TBXAS1: variants seen among roughly 807,000 people sequenced by gnomAD.
TBXAS1 encodes thromboxane A synthase 1.
In TBXAS1, 48 loss-of-function variants were observed where a neutral mutation model predicts 60.7. That is an observed-to-expected ratio of 0.79 (90% CI 0.63 to 1.01). TBXAS1 has a LOEUF of 1.01. Ranked by LOEUF, TBXAS1 falls within the 50% of genes least tolerant of loss-of-function variation. The pLI is 0.00. For synonymous variants in TBXAS1, 287 were observed against 269.7 expected (o/e 1.06, Z -0.63); for missense variants, 685 against 686.3 (o/e 1.00, Z 0.02).
chr7:139,856,925 G>T (rs756706660), intron 1 of TBXAS1, among the ~76,000 whole-genome samples: 1 of 152,150 alleles, frequency 6.6e-6, no homozygotes, highest in Non-Finnish European at 1.5e-5. Flanking sequence ...CACCAATGGA[G>T]GCTTTGAAAA....
chr7:139,865,843 A>AGAAGGAAGGAGGGAGGGAG (rs1307565725), intron 1 of TBXAS1, among the ~76,000 whole-genome samples: 4 of 93,204 alleles, frequency 4.3e-5, no homozygotes, highest in East Asian at 7.7e-4. Context: ...GGGGAAAGGA[A>AGAAGGAAGGAGGGAGGGAG]GAAGGAAGGA....
At chr7:139,846,064 AT>A (rs1172463541) in intron 1 of TBXAS1, among the ~76,000 whole-genome samples, 2 of 151,874 alleles carry the variant, frequency 1.3e-5, no homozygotes, top group East Asian at 1.9e-4. Context: ...TTAATAAAAT[AT>A]TTTTTTCTTT....
At chr7:140,010,574 C>G (rs1814530890) in intron 10 of TBXAS1, among the ~76,000 whole-genome samples, 7 of 152,230 alleles carry the variant, frequency 4.6e-5, no homozygotes, top group Admixed American at 2.6e-4. Flanking sequence ...TGCCAGGGAA[C>G]AGCTTCATCT....
rs149010293 is a variant in TBXAS1, at chr7:140,020,118, G to C, written c.*19G>C. 1.4e-3 allele frequency: 2,299 copies of C among 1,610,392 alleles called. 38 individuals carry two copies. The African/African-American group carries it at 0.027, about 19-fold the overall frequency. Reference sequence around the variant, plus strand: ...CCGCTGACACAGAAGGCTGCCGGGTGGGGGGAGGGCACCCCCAAATTCAAA... The same window carrying C: ...CCGCTGACACAGAAGGCTGCCGGGTCGGGGGAGGGCACCCCCAAATTCAAA... On this transcript the variant is annotated 3_prime_UTR_variant, in exon 13 of 13. Coordinates refer to ENST00000448866, the MANE Select transcript of TBXAS1 (RefSeq NM_001061.7).
intron 10 of TBXAS1, 44 bp downstream of exon 10, chr7:140,007,226 C>T: frequency 6.4e-7 from 1 of 1,573,716 alleles, no homozygotes; most frequent in Non-Finnish European, 8.7e-7. Flanking sequence ...CACCTCCTAC[C>T]CCTACCCCCT....
intron 4 of TBXAS1, among the ~76,000 whole-genome samples, chr7:139,807,229 C>G (rs555597682): frequency 1.3e-5 from 2 of 152,192 alleles, no homozygotes; most frequent in Admixed American, 1.3e-4. Flanking sequence ...TTGCTGGATT[C>G]TGTTTCCTGC....
intron 4 of TBXAS1, among the ~76,000 whole-genome samples, chr7:139,924,060 G>A (rs1229237516): frequency 2.0e-5 from 3 of 152,110 alleles, no homozygotes; most frequent in African/African-American, 7.2e-5. Flanking sequence ...GGACACTTAG[G>A]TGCTTCCAAA....
intron 4 of TBXAS1, among the ~76,000 whole-genome samples, chr7:139,799,582 C>T (rs1049955584): frequency 5.3e-5 from 8 of 152,114 alleles, no homozygotes; most frequent in African/African-American, 1.2e-4. Context: ...TCTTGAACTT[C>T]TGAGCTCAAA....
intron 3 of TBXAS1, among the ~76,000 whole-genome samples, chr7:139,881,422 A>G (rs115724837): frequency 0.015 from 2,329 of 151,946 alleles, 34 homozygotes; most frequent in African/African-American, 0.034. Context: ...TCAGGAATTT[A>G]TTTGGAAGAT....
rs768124977 is a variant in TBXAS1 at position 139,875,625 on chromosome 7, G to A, written c.224G>A (p.Gly75Glu). 30 of 1,613,286 alleles carry A rather than the reference G, an allele frequency of 1.9e-5. No homozygotes were observed. The highest frequency in any genetic ancestry group is 2.5e-5 in the Non-Finnish European group (30 of 1,180,026). The change falls in exon 3 of 13, where the codon GGA becomes GAA. Residue 75 changes from glycine (G) to glutamate (E), a missense_variant. Gly to Glu is a moderately conservative substitution (Grantham distance 98, BLOSUM62 -2). Coordinates refer to ENST00000448866, the MANE Select transcript of TBXAS1 (RefSeq NM_001061.7). The stretch of plus-strand genomic sequence containing the variant: ...CAAATGGAGCTCAGAAAGCTGTATG[G>A]ACCTCTGTGTGGGTAAGAAGGAAAC... ...ESQMELRKLY[G>E]PLCGYYLGRR... is the part of the protein sequence containing the mutation.
intron 10 of TBXAS1, among the ~76,000 whole-genome samples, chr7:140,008,447 CTTTTTTTT>C (rs35875761): frequency 7.9e-6 from 1 of 126,058 alleles, no homozygotes; most frequent in African/African-American, 3.0e-5. Context: ...TTCTTTTATT[CTTTTTTTT>C]TTTTTTTTTT....
chr7:139,951,593 TAAAAAAAAA>T lies in TBXAS1; in HGVS notation c.451-1753_451-1745del, dbSNP rs66551791. On this transcript the variant is annotated intron_variant, in intron 5 of 12. Coordinates refer to ENST00000448866, the MANE Select transcript of TBXAS1 (RefSeq NM_001061.7). Reference sequence around the variant, plus strand: ...CAACATGGTGGAATCCCGTCTCTACTAAAAAAAAAAAAAAAAAAAAAAAAAAAAAATTAG... The same window carrying T: ...CAACATGGTGGAATCCCGTCTCTACTAAAAAAAAAAAAAAAAAAAAATTAG... 2.6e-4 allele frequency among the ~76,000 whole-genome samples: 17 copies of T among 66,314 alleles called. 1 individual carries two copies. The highest frequency in any genetic ancestry group is 7.4e-4 in the African/African-American group (12 of 16,250). The allele number at this position is 66,314 out of a possible 152,430, so 43.5% of individuals were successfully genotyped here. A position where few individuals can be genotyped will look rare whatever the true frequency, so the allele number is the denominator to read the frequency against.
intron 9 of TBXAS1, 101 bp from the exon 10 acceptor site, chr7:140,006,990 T>C: frequency 1.7e-6 from 2 of 1,169,906 alleles, no homozygotes; most frequent in Non-Finnish European, 2.6e-6. Flanking sequence ...GTTTAAATGT[T>C]TGCCAAAGTT....
intron 9 of TBXAS1, among the ~76,000 whole-genome samples, chr7:139,993,285 T>C (rs1813057471): frequency 6.6e-6 from 1 of 152,140 alleles, no homozygotes; most frequent in Admixed American, 6.5e-5. Context: ...AAGTATATGA[T>C]CATGTTGGGG....
rs144564549 is a variant in TBXAS1, at chr7:139,939,130, C to T, written c.450+2823C>T. On this transcript the variant is annotated intron_variant, in intron 5 of 12. Transcript: ENST00000448866. The stretch of plus-strand genomic sequence containing the variant: ...CTGTAATCCCAGCACTTTGGGAGGC[C>T]GAAGCGGGTGGATCACCTGAGGTCA... Among the ~76,000 whole-genome samples, 79 of 152,204 alleles carry T rather than the reference C, an allele frequency of 5.2e-4. No homozygotes were observed. In the Middle Eastern group the frequency reaches 0.024, roughly 46 times the overall value.
At chr7:139,805,109 G>A (rs1290552487) in intron 4 of TBXAS1, among the ~76,000 whole-genome samples, 2 of 152,248 alleles carry the variant, frequency 1.3e-5, no homozygotes, top group Non-Finnish European at 2.9e-5. Flanking sequence ...GATCCTGGTG[G>A]TGCTGGGGGT....
chr7:139,788,445 A>G (rs1797269775), intron 4 of TBXAS1, among the ~76,000 whole-genome samples: 1 of 152,250 alleles, frequency 6.6e-6, no homozygotes. Context: ...TCAAGTGTCT[A>G]GAACAGTGCC....
intron 4 of TBXAS1, among the ~76,000 whole-genome samples, chr7:139,794,325 C>T (rs2116327300): frequency 6.6e-6 from 1 of 152,202 alleles, no homozygotes; most frequent in Middle Eastern, 3.4e-3. Flanking sequence ...GTCTCAAACT[C>T]CTGACCTCAA....
At chr7:139,963,958 T>C (rs367800772) in intron 9 of TBXAS1, among the ~76,000 whole-genome samples, 1 of 152,252 alleles carries the variant, frequency 6.6e-6, no homozygotes, top group East Asian at 1.9e-4. Flanking sequence ...AAGAAGCCTG[T>C]CAAGAGTGTC....
Sources: allele counts gnomAD v4.1 joint callset (sites outside exome capture counted in the v4.1 genomes callset), GRCh38; gene constraint gnomAD v4.1.1; transcripts MANE v1.5; gene names NCBI Gene and HGNC (gene_info 2026-07-23, HGNC 2026-07-21).